TENM1: variants seen among roughly 807,000 people sequenced by gnomAD.
TENM1 encodes the protein teneurin-1.
TENM1 carries 35 observed loss-of-function variants against 174.8 expected under a neutral mutation model. The ratio of observed to expected loss-of-function variants is 0.20; its 90% CI spans 0.15 to 0.27. The LOEUF (loss-of-function observed/expected upper bound fraction) is 0.27, where lower values mean the gene tolerates loss of function less well. Among genes scored for constraint, TENM1 ranks in the 10% least tolerant of loss-of-function variants. The pLI is 1.00. For missense variants in TENM1, 1,633 were observed against 2,130.1 expected (o/e 0.77, Z 4.59); for synonymous variants, 781 against 798.7 (o/e 0.98, Z 0.37).
At chrX:124,856,930 C>T (rs1263618937) in intron 3 of TENM1, among the ~76,000 whole-genome samples, 2 of 111,203 alleles carry the variant, frequency 1.8e-5, no homozygotes, top group Non-Finnish European at 3.8e-5. Flanking sequence ...TTAGGATAGA[C>T]TAGAATAGGA....
At chrX:125,166,321 T>C in the TENM1 span, among the ~76,000 whole-genome samples, 6 of 111,406 alleles carry the variant, frequency 5.4e-5, no homozygotes, top group African/African-American at 1.9e-4. Context: ...TTGTTCTCCA[T>C]TTTCTATAAA....
chrX:124,436,616 C>T (rs1187599883), intron 23 of TENM1, among the ~76,000 whole-genome samples: 1 of 110,114 alleles, frequency 9.1e-6, no homozygotes, highest in Non-Finnish European at 1.9e-5. Flanking sequence ...GCCTCAGCCT[C>T]CTGAGTAGCT....
At chrX:124,992,524 A>T in the TENM1 span, among the ~76,000 whole-genome samples, 1 of 111,447 alleles carries the variant, frequency 9.0e-6, no homozygotes, top group Non-Finnish European at 1.9e-5. Context: ...CCCTTTCTCC[A>T]AAGCCAGCCA....
chrX:124,382,765 G>T lies in TENM1; in HGVS notation c.7345C>A (p.Leu2449Ile). Residue 2449 changes from leucine (L) to isoleucine (I), a missense_variant, in exon 31 of 32, where the codon CTA (leucine) becomes ATA (isoleucine). By Grantham distance (5) the Leu-to-Ile change is conservative. Coordinates refer to ENST00000422452, the Ensembl canonical transcript of TENM1. ...AATTCAGGTTTGGGAAATCCAGGTA[G>T]TACATTGTGTAATTGGAAACCAAAT... 8.3e-7 allele frequency: 1 copy of T among 1,203,303 alleles called. No individual in the cohort carries two copies. The highest frequency in any genetic ancestry group is 1.1e-6 in the Non-Finnish European group (1 of 891,214).
intron 4 of TENM1, among the ~76,000 whole-genome samples, chrX:124,710,360 T>C (rs1011265731): frequency 1.8e-5 from 2 of 112,084 alleles, no homozygotes; most frequent in Admixed American, 1.9e-4. Context: ...ACTTAATGTT[T>C]GGAGATAAAA....
At chrX:124,546,774 G>A in intron 15 of TENM1, 100 bp downstream of exon 18, 1 of 701,314 alleles carries the variant, frequency 1.4e-6, no homozygotes, top group African/African-American at 2.1e-5. Flanking sequence ...TGGATTATGT[G>A]GAATGGGAAG....
At chrX:124,389,092 A>AT (rs1218054555) in intron 28 of TENM1, among the ~76,000 whole-genome samples, 10 of 111,831 alleles carry the variant, frequency 8.9e-5, no homozygotes, top group Non-Finnish European at 1.3e-4. Context: ...ACAATAATTG[A>AT]TTTTTTTAAT....
chrX:125,107,097 G>T, the TENM1 span, among the ~76,000 whole-genome samples: 1 of 111,801 alleles, frequency 8.9e-6, no homozygotes, highest in Non-Finnish European at 1.9e-5. Context: ...GTTAATCTGA[G>T]GTTAAAGATT....
intron 3 of TENM1, among the ~76,000 whole-genome samples, chrX:124,841,771 G>A (rs1262290816): frequency 9.0e-6 from 1 of 111,520 alleles, no homozygotes; most frequent in African/African-American, 3.3e-5. Flanking sequence ...TTACTAAACA[G>A]GAAGGCATGT....
intron 22 of TENM1, among the ~76,000 whole-genome samples, chrX:124,454,966 C>T (rs1447298297): frequency 2.7e-5 from 3 of 112,052 alleles, no homozygotes; most frequent in East Asian, 2.8e-4. Flanking sequence ...CACAAACACA[C>T]ACACACATGA....
At chrX:124,812,238 C>T (rs979308779) in intron 3 of TENM1, among the ~76,000 whole-genome samples, 2 of 110,772 alleles carry the variant, frequency 1.8e-5, no homozygotes, top group Non-Finnish European at 3.8e-5. Flanking sequence ...GTATATCCTT[C>T]AAAATCTCAT....
At chrX:124,664,542 A>AGC (rs2051695772) in intron 6 of TENM1, among the ~76,000 whole-genome samples, 4 of 101,170 alleles carry the variant, frequency 4.0e-5, no homozygotes, top group African/African-American at 1.0e-4. Context: ...GAAAAAAAAA[A>AGC]AAAAAAAAAA....
chrX:124,517,252 C>T lies in TENM1; in HGVS notation c.3301+3265G>A, dbSNP rs140508762. Among the ~76,000 whole-genome samples, 165 of 110,569 alleles carry T rather than the reference C, an allele frequency of 1.5e-3. 1 individual carries two copies. Among genetic ancestry groups the T allele is most frequent in the African/African-American group, 4.8e-3 (147 of 30,369 alleles). On this transcript the variant is annotated intron_variant, in intron 18 of 31. Transcript: ENST00000422452. ...AATCTGTACAACAAACCCTGTGACA[C>T]GAATTTACCTATATAACAAGCCTAC...
At chrX:124,732,302 C>T (rs1480029700) in intron 4 of TENM1, among the ~76,000 whole-genome samples, 5 of 111,851 alleles carry the variant, frequency 4.5e-5, no homozygotes, top group Non-Finnish European at 1.9e-5. Flanking sequence ...AAAGCTGATA[C>T]TGGAGTAGAC....
At chrX:125,197,403 GAAC>G in the TENM1 span, among the ~76,000 whole-genome samples, 1 of 111,519 alleles carries the variant, frequency 9.0e-6, no homozygotes, top group African/African-American at 3.2e-5. Context: ...CGAGGCTATA[GAAC>G]CATAAAAACT....
upstream of TENM1, among the ~76,000 whole-genome samples, chrX:124,966,646 A>T (rs1229041649): frequency 9.5e-6 from 1 of 105,049 alleles, no homozygotes; most frequent in Non-Finnish European, 1.9e-5. Context: ...TGGGCGACAG[A>T]GCGAGACTCC....
At position 124,841,155 on chromosome X, in the gene TENM1, C is replaced by CA. The variant is rs998596671; in HGVS notation, c.535+53140dup. The stretch of plus-strand genomic sequence containing the variant: ...TACTTTTTACTAAAACAACAGGCAA[C>CA]AAAAATAGTCAGAAAACAGTACTCT... On this transcript the variant is annotated intron_variant, in intron 3 of 31. Coordinates refer to ENST00000422452, the Ensembl canonical transcript of TENM1. Among the ~76,000 whole-genome samples, 3 of 111,626 alleles carry CA rather than the reference C, an allele frequency of 2.7e-5. No homozygotes were observed. In the Admixed American group the frequency reaches 2.9e-4, roughly 11 times the overall value.
At chrX:125,090,229 T>C in the TENM1 span, among the ~76,000 whole-genome samples, 2 of 111,912 alleles carry the variant, frequency 1.8e-5, no homozygotes, top group African/African-American at 6.5e-5. Flanking sequence ...TTCCACTGTA[T>C]GTCAGGCACT....
At chrX:124,572,064 C>T (rs2049066384) in intron 11 of TENM1, among the ~76,000 whole-genome samples, 1 of 110,010 alleles carries the variant, frequency 9.1e-6, no homozygotes, top group African/African-American at 3.3e-5. Context: ...TCTGGGACTG[C>T]AGGTGTGTTC....
Sources: allele counts gnomAD v4.1 joint callset (sites outside exome capture counted in the v4.1 genomes callset), GRCh38; gene constraint gnomAD v4.1.1; transcripts MANE v1.5; gene names NCBI Gene and HGNC (gene_info 2026-07-23, HGNC 2026-07-21).